DYTN: variants seen among roughly 807,000 people sequenced by gnomAD.
DYTN encodes the protein dystrotelin.
A neutral mutation model predicts 69.6 loss-of-function variants in DYTN; 75 were observed. The observed-to-expected ratio is 1.08, with a 90% CI of 0.89 to 1.31. The LOEUF is 1.31. DYTN is among the 50% of genes most tolerant of loss of function. DYTN has a pLI of 0.00. For synonymous variants in DYTN, 252 were observed against 249.1 expected, an observed-to-expected ratio of 1.01 and a Z score of -0.11; for missense variants, 726 against 688.4, an observed-to-expected ratio of 1.05 and a Z score of -0.61.
rs373949087 is a variant in DYTN, at chr2:206,656,760, T to A, written c.1634-4839A>T. Among the ~76,000 whole-genome samples the A allele has an allele frequency of 4.1e-4, 59 of 143,042 alleles. No homozygotes were observed. In the South Asian group the frequency reaches 8.3e-3, roughly 20 times the overall value. 93.8% of individuals were successfully genotyped at this position (143,042 alleles called of 152,430 possible). ...TTTAGTTCCCATACACTTTTCTAAA[T>A]AGTCTTTTTTTTTTTTTTTGAGACG... On this transcript the variant is annotated intron_variant, in intron 11 of 11. Transcript: ENST00000452335.
chr2:206,676,636 G>A (rs1699691823), intron 9 of DYTN, among the ~76,000 whole-genome samples: 2 of 152,148 alleles, frequency 1.3e-5, no homozygotes, highest in African/African-American at 4.8e-5. Context: ...AAAATGAAAA[G>A]GGGGAAAATG....
intron 9 of DYTN, among the ~76,000 whole-genome samples, chr2:206,682,869 C>T (rs1031699668): frequency 2.1e-4 from 32 of 152,214 alleles, no homozygotes; most frequent in African/African-American, 7.2e-4. Flanking sequence ...ATAGAACCAC[C>T]ATGACAGTAT....
intron 5 of DYTN, among the ~76,000 whole-genome samples, chr2:206,702,154 C>T (rs899457060): frequency 2.0e-5 from 3 of 152,312 alleles, no homozygotes; most frequent in East Asian, 3.9e-4. Flanking sequence ...CACCATAAGG[C>T]GTTCAATTAA....
rs1398018875 is a variant in DYTN, at chr2:206,663,956, T to G, written c.1141-561A>C. On this transcript the variant is annotated intron_variant, in intron 10 of 11. Transcript: ENST00000452335. ...GTTATTTGTTTATTGTATTGACATG[T>G]GCACTGATGATGCAAAATCAATAAG... 3.3e-5 allele frequency among the ~76,000 whole-genome samples: 5 copies of G among 152,194 alleles called. No individual in the cohort carries two copies. The East Asian group carries it at 9.6e-4, about 29-fold the overall frequency.
chr2:206,712,103 C>A (rs760642794), intron 1 of DYTN, among the ~76,000 whole-genome samples: 22 of 152,166 alleles, frequency 1.4e-4, no homozygotes, highest in Non-Finnish European at 3.1e-4. Context: ...TGGTATAAAC[C>A]AGTAGACCTT....
intron 5 of DYTN, among the ~76,000 whole-genome samples, chr2:206,702,839 G>A (rs567587839): frequency 2.0e-5 from 3 of 152,282 alleles, no homozygotes; most frequent in South Asian, 2.1e-4. Flanking sequence ...AAGATTTTGC[G>A]GATGAATGGC....
intron 11 of DYTN, among the ~76,000 whole-genome samples, chr2:206,657,002 TCCGCCCA>T (rs201119915): frequency 0.02 from 3,063 of 152,286 alleles, 59 homozygotes; most frequent in South Asian, 0.034. Flanking sequence ...TCTCAGGTGA[TCCGCCCA>T]CCTCGGCTTC....
chr2:206,709,506 T>C (rs1011365953), intron 2 of DYTN, among the ~76,000 whole-genome samples: 4 of 151,258 alleles, frequency 2.6e-5, no homozygotes, highest in African/African-American at 9.7e-5. Context: ...GTATGGAAAA[T>C]AGAGAAGGAT....
rs1399053152 is a variant in DYTN at position 206,707,165 on chromosome 2, T to C, written c.296+137A>G. On this transcript the variant is annotated intron_variant, in intron 3 of 11. Transcript: ENST00000452335. ...ACTCCTTTGTTCTACTCCTGAGGAATAAATTTGTGAAAAACAAACAAAGAA... is the reference window on the plus strand; with the variant it reads ...ACTCCTTTGTTCTACTCCTGAGGAACAAATTTGTGAAAAACAAACAAAGAA... 5 of 1,087,174 alleles carry C rather than the reference T, an allele frequency of 4.6e-6. No homozygotes were observed. In the African/African-American group the frequency reaches 6.4e-5, roughly 14 times the overall value. 67.3% of individuals were successfully genotyped at this position (1,087,174 alleles called of 1,614,324 possible).
At position 206,699,743 on chromosome 2, in the gene DYTN, G is replaced by T; in HGVS notation, c.703C>A (p.Pro235Thr). The T allele has an allele frequency of 6.2e-7, 1 of 1,612,842 alleles. No individual in the cohort carries two copies. Among genetic ancestry groups the T allele is most frequent in the Admixed American group, 1.7e-5 (1 of 59,704 alleles). The change falls in exon 7 of 12, where the codon CCA becomes ACA. Residue 235 changes from proline to threonine, a missense_variant. Coordinates refer to ENST00000452335, the MANE Select transcript of DYTN (RefSeq NM_001093730.1). Reference protein sequence around the residue: ...PARCTLCRTFPITGLRYRCLK... With the variant: ...PARCTLCRTFTITGLRYRCLK... Reference sequence around the variant, plus strand: ...TGACTGTACCTGAGTCCCGTGATTGGGAAAGTCCTGCAGAGAGTGCACCGA... The same window carrying T: ...TGACTGTACCTGAGTCCCGTGATTGTGAAAGTCCTGCAGAGAGTGCACCGA...
At chr2:206,675,078 A>T (rs1266486516) in intron 9 of DYTN, among the ~76,000 whole-genome samples, 1 of 149,894 alleles carries the variant, frequency 6.7e-6, no homozygotes, top group Non-Finnish European at 1.5e-5. Flanking sequence ...TAGAAACAAG[A>T]GGTTTAAATA....
intron 9 of DYTN, among the ~76,000 whole-genome samples, chr2:206,683,650 C>CTTA (rs1441835011): frequency 6.6e-6 from 1 of 151,930 alleles, no homozygotes; most frequent in African/African-American, 2.4e-5. Flanking sequence ...TGCCTTATTT[C>CTTA]TTCTCTTATT....
intron 1 of DYTN, among the ~76,000 whole-genome samples, chr2:206,712,385 G>A (rs967838932): frequency 1.3e-5 from 2 of 152,150 alleles, no homozygotes; most frequent in Admixed American, 6.5e-5. Context: ...GGAGTCATGG[G>A]GGTCAAAATC....
Position 206,687,880 on chromosome 2 carries a change from T to A in DYTN, c.980+5295A>T, listed in dbSNP as rs115410245. Among the ~76,000 whole-genome samples, 576 of 152,322 alleles carry A rather than the reference T, an allele frequency of 3.8e-3. 3 individuals carry two copies. The highest frequency in any genetic ancestry group is 0.012 in the African/African-American group (506 of 41,576). On this transcript the variant is annotated intron_variant, in intron 9 of 11. Transcript: ENST00000452335. ...ACTATATTATTTGGTCATAGTAGTT[T>A]TATAGTAAGTGTTAATATCTGTTGT...
chr2:206,685,383 G>A (rs1348532862), intron 9 of DYTN, among the ~76,000 whole-genome samples: 2 of 151,864 alleles, frequency 1.3e-5, no homozygotes, highest in Non-Finnish European at 2.9e-5. Flanking sequence ...GGCTGGTCTC[G>A]AACTCCTGGG....
rs560995535 is a variant in DYTN, at chr2:206,710,227, G to A, written c.94+297C>T. 2.8e-4 allele frequency among the ~76,000 whole-genome samples: 43 copies of A among 152,122 alleles called. No homozygotes were observed. In the South Asian group the frequency reaches 8.3e-3, roughly 29 times the overall value. ...TATTTTGTGTCCATATTGGTATCCT[G>A]AAAAGGAAACCAAAAACATTTTCTA... is the stretch of plus-strand genomic sequence containing the variant. On this transcript the variant is annotated intron_variant, in intron 2 of 11. Transcript: ENST00000452335.
At chr2:206,690,038 T>C (rs1699848633) in intron 9 of DYTN, among the ~76,000 whole-genome samples, 1 of 152,134 alleles carries the variant, frequency 6.6e-6, no homozygotes, top group Non-Finnish European at 1.5e-5. Flanking sequence ...ATAAGTAAGA[T>C]ATAGGATGTC....
chr2:206,699,714 C>G lies in DYTN; in HGVS notation c.719+13G>C. 6.2e-7 allele frequency: 1 copy of G among 1,608,024 alleles called. No homozygotes were observed. Among genetic ancestry groups the G allele is most frequent in the Non-Finnish European group, 8.5e-7 (1 of 1,177,488 alleles). On this transcript the variant is annotated intron_variant, in intron 7 of 11. Coordinates refer to ENST00000452335, the MANE Select transcript of DYTN (RefSeq NM_001093730.1). ...GAGAATGATAATCCAAGAAATGCTGCTGATGACTGTACCTGAGTCCCGTGA... is the reference window on the plus strand; with the variant it reads ...GAGAATGATAATCCAAGAAATGCTGGTGATGACTGTACCTGAGTCCCGTGA...
chr2:206,672,546 A>G (rs1387162400), intron 9 of DYTN, among the ~76,000 whole-genome samples: 2 of 152,244 alleles, frequency 1.3e-5, no homozygotes, highest in African/African-American at 2.4e-5. Flanking sequence ...CTGGTGTCCC[A>G]GTCTGTATGA....
Sources: allele counts gnomAD v4.1 joint callset (sites outside exome capture counted in the v4.1 genomes callset), GRCh38; gene constraint gnomAD v4.1.1; transcripts MANE v1.5; gene names NCBI Gene and HGNC (gene_info 2026-07-23, HGNC 2026-07-21).